Variants in TBL1X observed in about 807,000 individuals in gnomAD.
The protein encoded by TBL1X is transducin beta like 1 X-linked, also known as F-box-like/WD repeat-containing protein TBL1X.
TBL1X carries 10 observed loss-of-function variants against 50.7 expected under a neutral mutation model. That is an observed-to-expected ratio of 0.20 (90% CI 0.12 to 0.33). The LOEUF (loss-of-function observed/expected upper bound fraction) is 0.33. TBL1X is among the 10% of genes least tolerant of loss of function. The pLI is 1.00. For synonymous variants in TBL1X, 190 were observed against 214.7 expected (o/e 0.88, Z 1.01); for missense variants, 340 against 504.4 (o/e 0.67, Z 3.12).
At chrX:9,499,036 C>A (rs1333900117) in intron 1 of TBL1X, among the ~76,000 whole-genome samples, 2 of 111,695 alleles carry the variant, frequency 1.8e-5, no homozygotes, top group South Asian at 3.7e-4. Flanking sequence ...AGTGCAGTGG[C>A]TTTGTTGAGG....
At chrX:9,632,215 G>C (rs2082724954) in intron 2 of TBL1X, among the ~76,000 whole-genome samples, 1 of 111,562 alleles carries the variant, frequency 9.0e-6, no homozygotes, top group South Asian at 3.7e-4. Flanking sequence ...TTTTGAATCT[G>C]TTTTACTTTC....
chrX:9,651,088 G>A (rs1395777248), intron 3 of TBL1X, among the ~76,000 whole-genome samples: 1 of 95,315 alleles, frequency 1.0e-5, no homozygotes, highest in Non-Finnish European at 2.0e-5. Context: ...GGAGTGCAGT[G>A]GTGATCGCGG....
chrX:9,468,196 AT>A (rs2081789601), intron 1 of TBL1X, among the ~76,000 whole-genome samples: 3 of 111,752 alleles, frequency 2.7e-5, no homozygotes, highest in Non-Finnish European at 3.8e-5. Context: ...GATCAGAGAG[AT>A]TTGAGATGGG....
intron 11 of TBL1X, among the ~76,000 whole-genome samples, chrX:9,694,278 T>C (rs1303315983): frequency 9.0e-6 from 1 of 111,230 alleles, no homozygotes; most frequent in African/African-American, 3.3e-5. Context: ...GAATTTGTGT[T>C]TCTACAACAA....
chrX:9,631,749 C>T (rs764677317), intron 2 of TBL1X, among the ~76,000 whole-genome samples: 3 of 112,687 alleles, frequency 2.7e-5, no homozygotes, highest in Non-Finnish European at 5.6e-5. Flanking sequence ...GAAAAGGATT[C>T]TTTTAAAGAG....
chrX:9,696,088 A>G (rs1316934588), intron 11 of TBL1X, among the ~76,000 whole-genome samples: 1 of 112,640 alleles, frequency 8.9e-6, no homozygotes, highest in Non-Finnish European at 1.9e-5. Context: ...ACATTCTTCA[A>G]ATGTTTGCAT....
intron 2 of TBL1X, among the ~76,000 whole-genome samples, chrX:9,538,860 G>A (rs1016523561): frequency 2.7e-5 from 3 of 112,859 alleles, no homozygotes; most frequent in Non-Finnish European, 5.6e-5. Flanking sequence ...GTGCCAGAGT[G>A]CGTGTGCACC....
intron 2 of TBL1X, among the ~76,000 whole-genome samples, chrX:9,595,016 G>T (rs184806549): frequency 8.9e-6 from 1 of 111,914 alleles, no homozygotes; most frequent in African/African-American, 3.2e-5. Context: ...TCCCCGCTGG[G>T]TCAACTACCA....
At chrX:9,674,471 A>G (rs2082979057) in intron 5 of TBL1X, among the ~76,000 whole-genome samples, 2 of 111,611 alleles carry the variant, frequency 1.8e-5, no homozygotes, top group Non-Finnish European at 3.8e-5. Context: ...CATGTTGCCC[A>G]GACTAGTCTC....
chrX:9,666,460 A>C (rs2082931537), intron 5 of TBL1X, among the ~76,000 whole-genome samples: 1 of 111,842 alleles, frequency 8.9e-6, no homozygotes, highest in African/African-American at 3.3e-5. Flanking sequence ...AAAAATAGAA[A>C]CATTAATGCA....
intron 7 of TBL1X, among the ~76,000 whole-genome samples, 200 bp from the exon 8 acceptor site, chrX:9,691,379 T>G (rs1394328874): frequency 4.0e-5 from 4 of 99,013 alleles, no homozygotes; most frequent in Admixed American, 3.6e-4. Context: ...GAGGTTGCAG[T>G]GAGCCGAGGT....
At chrX:9,647,572 ACT>A (rs760324552) in intron 3 of TBL1X, among the ~76,000 whole-genome samples, 250 of 110,722 alleles carry the variant, frequency 2.3e-3, no homozygotes, top group African/African-American at 8.0e-3. Context: ...TGCTGCCAAA[ACT>A]CTCCTTTATT....
rs138365799 is a variant in TBL1X, at chrX:9,592,168, C to T, written c.-130-48105C>T. ...TAATTCTTGGCTTCTTGACGTTTAT[C>T]ATTGCCGACTGCTCTGAATCCTCAT... is the stretch of plus-strand genomic sequence containing the variant. On this transcript the variant is annotated intron_variant, in intron 2 of 17. Coordinates refer to ENST00000645353, the MANE Select transcript of TBL1X (RefSeq NM_005647.4). Among the ~76,000 whole-genome samples the T allele has an allele frequency of 1.2e-4, 14 of 112,071 alleles. No homozygotes were observed. In the East Asian group the frequency reaches 3.6e-3, roughly 29 times the overall value.
chrX:9,660,206 A>T (rs1265313732), intron 5 of TBL1X, among the ~76,000 whole-genome samples: 3 of 112,581 alleles, frequency 2.7e-5, no homozygotes, highest in Non-Finnish European at 5.6e-5. Flanking sequence ...TCGAAAACCC[A>T]GCGAAGTATT....
At chrX:9,553,564 A>G (rs1208702981) in intron 2 of TBL1X, among the ~76,000 whole-genome samples, 1 of 111,988 alleles carries the variant, frequency 8.9e-6, no homozygotes, top group Non-Finnish European at 1.9e-5. Flanking sequence ...AAGGAGGGTC[A>G]GCTAATCACT....
intron 1 of TBL1X, among the ~76,000 whole-genome samples, chrX:9,480,103 C>T (rs906475081): frequency 9.0e-6 from 1 of 111,000 alleles, no homozygotes; most frequent in Non-Finnish European, 1.9e-5. Context: ...TAAGGACATG[C>T]GCCACCACCT....
intron 2 of TBL1X, among the ~76,000 whole-genome samples, chrX:9,561,576 G>A (rs1266071028): frequency 8.9e-6 from 1 of 112,164 alleles, no homozygotes; most frequent in Admixed American, 9.5e-5. Flanking sequence ...TCATACAGGT[G>A]AAGCTGCTGA....
intron 2 of TBL1X, among the ~76,000 whole-genome samples, chrX:9,629,223 C>A (rs1179120339): frequency 8.8e-6 from 1 of 113,066 alleles, no homozygotes; most frequent in East Asian, 2.8e-4. Flanking sequence ...CACAGGCCAA[C>A]TGGCTTGCAG....
At chrX:9,690,205 T>C (rs1312558689) in intron 7 of TBL1X, among the ~76,000 whole-genome samples, 1 of 112,385 alleles carries the variant, frequency 8.9e-6, no homozygotes, top group African/African-American at 3.2e-5. Flanking sequence ...TTGAGGGTCA[T>C]GCAGTCTCTG....
Sources: allele counts gnomAD v4.1 joint callset (sites outside exome capture counted in the v4.1 genomes callset), GRCh38; gene constraint gnomAD v4.1.1; transcripts MANE v1.5; gene names NCBI Gene and HGNC (gene_info 2026-07-23, HGNC 2026-07-21).